Variants in TPRG1 observed in about 807,000 individuals in gnomAD.
TPRG1 encodes tumor protein p63 regulated 1.
Under a neutral mutation model 29.3 loss-of-function variants are expected in TPRG1, and 29 were observed. That is an observed-to-expected ratio of 0.99 (90% CI 0.74 to 1.35). The LOEUF is 1.35. Ranked by LOEUF, TPRG1 falls within the 40% of genes most tolerant of loss-of-function variation. The pLI, the probability that TPRG1 is intolerant of heterozygous loss-of-function variation, is 0.00. For missense variants in TPRG1, 327 were observed against 335.0 expected, an observed-to-expected ratio of 0.98 and a Z score of 0.19; for synonymous variants, 130 against 116.8, an observed-to-expected ratio of 1.11 and a Z score of -0.73.
At chr3:189,068,632 C>T in intron 4 of TPRG1, among the ~76,000 whole-genome samples, 1 of 152,076 alleles carries the variant, frequency 6.6e-6, no homozygotes. Flanking sequence ...AAAAATTAGC[C>T]AGGCGTGGTG....
intron 1 of TPRG1, among the ~76,000 whole-genome samples, chr3:189,176,122 T>A (rs1175592963): frequency 6.6e-6 from 1 of 152,194 alleles, no homozygotes; most frequent in African/African-American, 2.4e-5. Context: ...CAATATTTAA[T>A]ATTTACACAA....
At chr3:189,152,533 G>A (rs925062767) in intron 5 of TPRG1, among the ~76,000 whole-genome samples, 1 of 152,048 alleles carries the variant, frequency 6.6e-6, no homozygotes, top group African/African-American at 2.4e-5. Context: ...ATAAGAAAAA[G>A]TAGGATTGGT....
At chr3:189,130,486 G>A (rs1392043330) in intron 2 of TPRG1, among the ~76,000 whole-genome samples, 1 of 152,224 alleles carries the variant, frequency 6.6e-6, no homozygotes, top group African/African-American at 2.4e-5. Flanking sequence ...AATGTTATCA[G>A]AGGAAAATGG....
At chr3:189,277,727 T>G (rs2109117950) in intron 4 of TPRG1, among the ~76,000 whole-genome samples, 1 of 152,282 alleles carries the variant, frequency 6.6e-6, no homozygotes, top group South Asian at 2.1e-4. Context: ...TTAAGGAGCA[T>G]GAGAAGCATC....
chr3:189,312,730 A>G (rs997520843), intron 5 of TPRG1, among the ~76,000 whole-genome samples: 1 of 152,228 alleles, frequency 6.6e-6, no homozygotes, highest in Non-Finnish European at 1.5e-5. Flanking sequence ...CAAATAATGC[A>G]AAAATAAAGA....
intron 1 of TPRG1, among the ~76,000 whole-genome samples, chr3:189,101,890 TC>T (rs1367908037): frequency 6.6e-6 from 1 of 152,150 alleles, no homozygotes; most frequent in Non-Finnish European, 1.5e-5. Flanking sequence ...TTTACGTACA[TC>T]TTTTTAGTTG....
rs765132115 is a variant in TPRG1, at chr3:189,238,854, GCTGT to G, written c.427_430del (p.Val143IlefsTer56). 2.5e-6 allele frequency: 4 copies of G among 1,613,560 alleles called. No homozygotes were observed. Among genetic ancestry groups the G allele is most frequent in the East Asian group, 2.2e-5 (1 of 44,872 alleles). ...GCAGCTGCAGCGGATTCCTCTGAGCGCTGTCTATCGCATCTGCCTGGGCAAGTTC... is the reference window on the plus strand; with the variant it reads ...GCAGCTGCAGCGGATTCCTCTGAGCGCTATCGCATCTGCCTGGGCAAGTTC... On this transcript the variant is annotated frameshift_variant, in exon 4 of 6. Transcript: ENST00000345063. LOFTEE classifies it high-confidence loss of function.
chr3:189,101,502 C>G (rs982366785), intron 1 of TPRG1, among the ~76,000 whole-genome samples: 5 of 152,086 alleles, frequency 3.3e-5, no homozygotes, highest in African/African-American at 1.2e-4. Context: ...AACCATGGAC[C>G]TCTTAATTTC....
chr3:189,312,133 C>G (rs5017281), intron 5 of TPRG1, among the ~76,000 whole-genome samples: 2,162 of 35,520 alleles, frequency 0.061, 155 homozygotes, highest in African/African-American at 0.21. Context: ...TTCTTTCTTT[C>G]TTTCTTTCTT....
chr3:189,066,286 G>A (rs1042076305), intron 4 of TPRG1, among the ~76,000 whole-genome samples: 25 of 152,048 alleles, frequency 1.6e-4, no homozygotes, highest in African/African-American at 6.0e-4. Context: ...TCAATAAATA[G>A]AGGATAAGAG....
chr3:189,299,766 T>C (rs1003421140), intron 4 of TPRG1, among the ~76,000 whole-genome samples: 1 of 152,168 alleles, frequency 6.6e-6, no homozygotes, highest in East Asian at 1.9e-4. Context: ...TCACAGTTCA[T>C]TTGATGATGT....
chr3:189,061,554 C>G (rs1173352789), intron 4 of TPRG1, among the ~76,000 whole-genome samples: 3 of 152,104 alleles, frequency 2.0e-5, no homozygotes, highest in African/African-American at 7.2e-5. Context: ...TGACAAAGGT[C>G]TAATATCCAG....
chr3:189,048,828 A>C (rs1209513656), intron 4 of TPRG1, among the ~76,000 whole-genome samples: 2 of 152,218 alleles, frequency 1.3e-5, no homozygotes, highest in Non-Finnish European at 2.9e-5. Flanking sequence ...CCCCAACTGC[A>C]GAAGAGCGAA....
At chr3:189,107,337 A>G (rs1378997590) in intron 1 of TPRG1, among the ~76,000 whole-genome samples, 2 of 152,182 alleles carry the variant, frequency 1.3e-5, no homozygotes, top group African/African-American at 4.8e-5. Context: ...ACACGTTTAT[A>G]TATGTTCTTG....
At chr3:189,239,456 A>G (rs1040138556) in intron 4 of TPRG1, among the ~76,000 whole-genome samples, 1 of 152,112 alleles carries the variant, frequency 6.6e-6, no homozygotes, top group African/African-American at 2.4e-5. Flanking sequence ...CATGTCAGTA[A>G]ATTTGTATTT....
chr3:189,314,939 G>A (rs1051017685), intron 5 of TPRG1, among the ~76,000 whole-genome samples: 3 of 152,090 alleles, frequency 2.0e-5, no homozygotes, highest in Admixed American at 6.6e-5. Flanking sequence ...AGGCAACAGA[G>A]TAAGACCATG....
intron 5 of TPRG1, among the ~76,000 whole-genome samples, chr3:189,158,023 C>T (rs887655353): frequency 3.3e-5 from 5 of 152,186 alleles, no homozygotes; most frequent in African/African-American, 1.2e-4. Context: ...ATATATGTCG[C>T]ATCATTCTTT....
At position 189,314,127 on chromosome 3, in the gene TPRG1, T is replaced by G. The variant is rs1273971248; in HGVS notation, c.633+3588T>G. ...GGTTTCAGGATTGGGTAGATGGTGA[T>G]TCCATTAATTTGATTGAAGAAAACT... is the stretch of plus-strand genomic sequence containing the variant. On this transcript the variant is annotated intron_variant, in intron 5 of 5. Coordinates refer to ENST00000345063, the MANE Select transcript of TPRG1 (RefSeq NM_198485.4). 2.0e-5 allele frequency among the ~76,000 whole-genome samples: 3 copies of G among 152,272 alleles called. No homozygotes were observed. In the East Asian group the frequency reaches 5.8e-4, roughly 29 times the overall value.
chr3:189,225,355 AT>A (rs1190439736), intron 3 of TPRG1, among the ~76,000 whole-genome samples: 6 of 152,204 alleles, frequency 3.9e-5, no homozygotes, highest in African/African-American at 1.4e-4. Context: ...CTTGTTTAAT[AT>A]TTACAGCACA....
Sources: gnomAD v4.1 joint callset for allele counts (sites outside exome capture counted in the v4.1 genomes callset) on GRCh38, gnomAD v4.1.1 for gene constraint, MANE v1.5 for transcripts, NCBI Gene and HGNC (gene_info 2026-07-23, HGNC 2026-07-21) for gene names.